Variants in PIAS1 observed in about 807,000 individuals in gnomAD.
The protein encoded by PIAS1 is protein inhibitor of activated STAT 1, also known as E3 SUMO-protein ligase PIAS1.
In PIAS1, 6 loss-of-function variants were observed where a neutral mutation model predicts 71.3. The observed-to-expected ratio is 0.08, with a 90% CI of 0.05 to 0.17. PIAS1 has a LOEUF of 0.17. Among genes scored for constraint, PIAS1 ranks in the 10% least tolerant of loss-of-function variants. PIAS1 has a pLI of 1.00. For missense variants in PIAS1, 555 were observed against 793.6 expected, an observed-to-expected ratio of 0.70 and a Z score of 3.61; for synonymous variants, 303 against 292.9, an observed-to-expected ratio of 1.03 and a Z score of -0.35.
chr15:68,134,778 C>T (rs1197588942), intron 2 of PIAS1, among the ~76,000 whole-genome samples: 146 of 41,542 alleles, frequency 3.5e-3, no homozygotes, highest in Non-Finnish European at 0.01. Flanking sequence ...TCCTCACTTC[C>T]CAGTAGGGGC....
intron 6 of PIAS1, among the ~76,000 whole-genome samples, chr15:68,150,016 T>C (rs2092834458): frequency 6.6e-6 from 1 of 152,164 alleles, no homozygotes; most frequent in African/African-American, 2.4e-5. Context: ...TACTGGATTT[T>C]TTTTTAGAAA....
chr15:68,104,917 G>A (rs1036282484), intron 2 of PIAS1, among the ~76,000 whole-genome samples: 1 of 152,178 alleles, frequency 6.6e-6, no homozygotes, highest in Non-Finnish European at 1.5e-5. Context: ...TTAAAGTTAT[G>A]AAAGAATTGC....
intron 2 of PIAS1, among the ~76,000 whole-genome samples, chr15:68,091,409 C>T (rs969817751): frequency 6.6e-6 from 1 of 151,980 alleles, no homozygotes; most frequent in African/African-American, 2.4e-5. Flanking sequence ...CTTTAGGATA[C>T]AGTATTTGAT....
At position 68,054,413 on chromosome 15, in the gene PIAS1, G is replaced by A. The variant is rs949294239; in HGVS notation, c.24+63G>A. On this transcript the variant is annotated intron_variant, in intron 1 of 13. Transcript: ENST00000249636. This position sits in a 1 kb window ranked among gnomAD's most constrained non-coding sequence, Gnocchi z 4.6. ...GCGGAGACGGCGCCGCTGCTGCCAG[G>A]GGGGATGGGTCCGACCCTGGGGGGC... 11 of 1,528,124 alleles carry A rather than the reference G, an allele frequency of 7.2e-6. No individual in the cohort carries two copies. Among genetic ancestry groups the A allele is most frequent in the Admixed American group, 5.9e-5 (3 of 50,904 alleles). The allele number at this position is 1,528,124 out of a possible 1,614,324, so 94.7% of individuals were successfully genotyped here.
At chr15:68,112,445 G>T (rs1484319604) in intron 2 of PIAS1, among the ~76,000 whole-genome samples, 2 of 151,696 alleles carry the variant, frequency 1.3e-5, no homozygotes, top group Non-Finnish European at 2.9e-5. Flanking sequence ...CCCTTTCCAG[G>T]TAGGTTTTTG....
In PIAS1 at chr15:68,054,373, TTC is replaced by T. The variant is rs2091871009; in HGVS notation, c.24+25_24+26del. 4 of 1,564,236 alleles carry T rather than the reference TTC, an allele frequency of 2.6e-6. No individual in the cohort carries two copies. In the East Asian group the frequency reaches 9.6e-5, roughly 38 times the overall value. On this transcript the variant is annotated intron_variant, in intron 1 of 13. Transcript: ENST00000249636. This position sits in a 1 kb window ranked among gnomAD's most constrained non-coding sequence, Gnocchi z 4.6. ...AAGGTAAAGCGCAGCTCGAATTCAC[TTC>T]TAATATTCGGCCGCGGAGACGGCGC...
intron 2 of PIAS1, chr15:68,087,957 T>C: frequency 3.5e-6 from 1 of 285,986 alleles, no homozygotes; most frequent in Non-Finnish European, 7.1e-6. Flanking sequence ...TTTGAGAATC[T>C]ACTGTATGCT....
At position 68,174,452 on chromosome 15, in the gene PIAS1, T is replaced by C. The variant is rs1232636307; in HGVS notation, c.1169+560T>C. Among the ~76,000 whole-genome samples the C allele has an allele frequency of 6.6e-6, 1 of 152,352 alleles. No homozygotes were observed. The highest frequency in any genetic ancestry group is 1.9e-4 in the East Asian group (1 of 5,188). Reference sequence around the variant, plus strand: ...TCTTGGAATGTTCCTCTAAATTTTCTTCTATTCTGCAGCCCCCTTTTCCTC... The same window carrying C: ...TCTTGGAATGTTCCTCTAAATTTTCCTCTATTCTGCAGCCCCCTTTTCCTC... On this transcript the variant is annotated intron_variant, in intron 9 of 13. Coordinates refer to ENST00000249636, the MANE Select transcript of PIAS1 (RefSeq NM_016166.3). This position sits in a 1 kb window ranked among gnomAD's most constrained non-coding sequence, Gnocchi z 4.0.
intron 2 of PIAS1, among the ~76,000 whole-genome samples, chr15:68,102,645 T>C (rs2092436900): frequency 6.6e-6 from 1 of 152,220 alleles, no homozygotes; most frequent in Non-Finnish European, 1.5e-5. Flanking sequence ...GTTTTCAGTA[T>C]ATAGTTCCCA....
At chr15:68,135,232 G>T (rs1243935861) in intron 2 of PIAS1, among the ~76,000 whole-genome samples, 2,705 of 18,548 alleles carry the variant, frequency 0.15, no homozygotes, top group South Asian at 0.38. Flanking sequence ...GTGGCTGGCC[G>T]GGCGGGGGCT....
chr15:68,157,630 T>C (rs1398775726), intron 7 of PIAS1, among the ~76,000 whole-genome samples: 3 of 152,222 alleles, frequency 2.0e-5, no homozygotes, highest in Non-Finnish European at 2.9e-5. Flanking sequence ...TCTCCTTTCT[T>C]CTCTGACCAT....
chr15:68,147,055 CAAA>C (rs2092812516), intron 6 of PIAS1, among the ~76,000 whole-genome samples: 1 of 152,066 alleles, frequency 6.6e-6, no homozygotes, highest in South Asian at 2.1e-4. Flanking sequence ...ATTGGTATGT[CAAA>C]GAACATTTTG....
chr15:68,159,724 G>A (rs2092912257), intron 7 of PIAS1, among the ~76,000 whole-genome samples: 2 of 151,970 alleles, frequency 1.3e-5, no homozygotes, highest in African/African-American at 4.8e-5. Context: ...TAAATTGATG[G>A]ACATTTGGAT....
chr15:68,068,724 A>G (rs1340980973), intron 1 of PIAS1, among the ~76,000 whole-genome samples: 2 of 151,776 alleles, frequency 1.3e-5, no homozygotes, highest in Non-Finnish European at 2.9e-5. Flanking sequence ...AAGTGCTGGG[A>G]TTACAGGCAT....
intron 4 of PIAS1, among the ~76,000 whole-genome samples, chr15:68,144,065 T>C (rs1252900851): frequency 6.6e-6 from 1 of 151,530 alleles, no homozygotes; most frequent in Non-Finnish European, 1.5e-5. Context: ...ATTCAGAGAT[T>C]CCAAGGGTAT....
chr15:68,149,161 T>C (rs1595766870), intron 6 of PIAS1, among the ~76,000 whole-genome samples: 1 of 152,134 alleles, frequency 6.6e-6, no homozygotes, highest in South Asian at 2.1e-4. Context: ...AATTTACTTT[T>C]GAAACTTTTG....
chr15:68,057,573 A>G (rs968891695), intron 1 of PIAS1: 3 of 406,890 alleles, frequency 7.4e-6, no homozygotes, highest in African/African-American at 2.1e-5. Flanking sequence ...AAAAGTTACT[A>G]TGAGTGTGTC....
Position 68,054,454 on chromosome 15 carries a change from C to G in PIAS1, c.24+104C>G. On this transcript the variant is annotated intron_variant, in intron 1 of 13. Coordinates refer to ENST00000249636, the MANE Select transcript of PIAS1 (RefSeq NM_016166.3). This position sits in a 1 kb window ranked among gnomAD's most constrained non-coding sequence, Gnocchi z 4.6. ...CCTGGGGGGCCTCTCGGGCCTGACT[C>G]CACCCGGGCCTGGAGTTGTAGGGAG... 8.0e-7 allele frequency: 1 copy of G among 1,250,830 alleles called. No homozygotes were observed. The highest frequency in any genetic ancestry group is 1.1e-6 in the Non-Finnish European group (1 of 882,836). 77.5% of individuals were successfully genotyped at this position (1,250,830 alleles called of 1,614,324 possible).
intron 2 of PIAS1, among the ~76,000 whole-genome samples, chr15:68,110,613 T>A (rs1029883425): frequency 3.3e-5 from 5 of 151,248 alleles, no homozygotes; most frequent in African/African-American, 1.2e-4. Context: ...GAAAAAAAAA[T>A]TAGCTGGGCA....
Sources: gnomAD v4.1 joint callset for allele counts (sites outside exome capture counted in the v4.1 genomes callset) on GRCh38, gnomAD v4.1.1 for gene constraint, Gnocchi (gnomAD v3.1) non-coding constraint, MANE v1.5 for transcripts, NCBI Gene and HGNC (gene_info 2026-07-23, HGNC 2026-07-21) for gene names.